SLC14A2: variants seen among roughly 807,000 people sequenced by gnomAD.
SLC14A2 encodes solute carrier family 14 member 2.
Under a neutral mutation model 104.6 loss-of-function variants are expected in SLC14A2, and 91 were observed. That is an observed-to-expected ratio of 0.87 (90% CI 0.73 to 1.04). SLC14A2 has a LOEUF of 1.04. Ranked by LOEUF, SLC14A2 falls within the 50% of genes least tolerant of loss-of-function variation. The pLI is 0.00. For synonymous variants in SLC14A2, 476 were observed against 466.4 expected (o/e 1.02, Z -0.27); for missense variants, 1,189 against 1,156.0 (o/e 1.03, Z -0.41).
chr18:45,465,361 T>C (rs1383994975), intron 1 of SLC14A2, among the ~76,000 whole-genome samples: 1 of 152,084 alleles, frequency 6.6e-6, no homozygotes, highest in African/African-American at 2.4e-5. Context: ...CTGTTGGCAG[T>C]TGTGGTAACA....
intron 2 of SLC14A2, among the ~76,000 whole-genome samples, chr18:45,569,366 C>G (rs751631482): frequency 4.6e-5 from 7 of 152,166 alleles, no homozygotes; most frequent in Non-Finnish European, 7.3e-5. Flanking sequence ...TGAACTAACC[C>G]CTTTACTCTA....
intron 5 of SLC14A2, among the ~76,000 whole-genome samples, chr18:45,632,806 T>A (rs1318889805): frequency 6.6e-6 from 1 of 152,202 alleles, no homozygotes; most frequent in Non-Finnish European, 1.5e-5. Context: ...GCCACACAAG[T>A]AGCTGGGACT....
intron 10 of SLC14A2, among the ~76,000 whole-genome samples, chr18:45,656,521 G>A (rs1482902466): frequency 2.0e-5 from 3 of 152,156 alleles, no homozygotes; most frequent in African/African-American, 7.2e-5. Flanking sequence ...AGCTAAGAAT[G>A]GATTGAAAGA....
intron 1 of SLC14A2, among the ~76,000 whole-genome samples, chr18:45,390,934 G>GT (rs1207922447): frequency 6.6e-5 from 10 of 152,078 alleles, no homozygotes; most frequent in Admixed American, 3.3e-4. Context: ...GATGTTTTAT[G>GT]TTTTTTTATT....
chr18:45,679,585 T>G (rs1294477530), intron 19 of SLC14A2, among the ~76,000 whole-genome samples: 1 of 152,222 alleles, frequency 6.6e-6, no homozygotes, highest in Non-Finnish European at 1.5e-5. Flanking sequence ...TGCAGAGGGC[T>G]CAGGGCTCCA....
chr18:45,573,132 T>C (rs1304074166), intron 2 of SLC14A2, among the ~76,000 whole-genome samples: 1 of 152,210 alleles, frequency 6.6e-6, no homozygotes, highest in African/African-American at 2.4e-5. Context: ...CTCAGTGTTC[T>C]TTCAACTAAT....
intron 2 of SLC14A2, among the ~76,000 whole-genome samples, chr18:45,570,252 C>T (rs1396990517): frequency 6.6e-6 from 1 of 152,144 alleles, no homozygotes; most frequent in African/African-American, 2.4e-5. Flanking sequence ...CCCTGGGCTA[C>T]CCTTTGGCTC....
intron 18 of SLC14A2, among the ~76,000 whole-genome samples, chr18:45,676,035 A>G (rs1031943272): frequency 5.3e-5 from 8 of 152,202 alleles, no homozygotes; most frequent in African/African-American, 1.7e-4. Context: ...CAGCATTTTT[A>G]CATGACCTGA....
intron 10 of SLC14A2, among the ~76,000 whole-genome samples, chr18:45,649,260 C>G (rs2045687148): frequency 6.6e-6 from 1 of 152,154 alleles, no homozygotes; most frequent in Non-Finnish European, 1.5e-5. Flanking sequence ...ACAAGATACC[C>G]CATTTCTCCA....
At chr18:45,543,649 T>C (rs1467338182) in intron 2 of SLC14A2, among the ~76,000 whole-genome samples, 1 of 152,182 alleles carries the variant, frequency 6.6e-6, no homozygotes, top group Non-Finnish European at 1.5e-5. Flanking sequence ...TTTTTCTCTC[T>C]ACCTTCCTAA....
chr18:45,596,337 C>T (rs139621259), intron 2 of SLC14A2, among the ~76,000 whole-genome samples: 5 of 152,198 alleles, frequency 3.3e-5, no homozygotes, highest in Non-Finnish European at 5.9e-5. Context: ...TGGAGGCATG[C>T]GCAGCTAGAA....
At chr18:45,211,444 C>A (rs891304934), upstream of SLC14A2, among the ~76,000 whole-genome samples, 1 of 152,182 alleles carries the variant, frequency 6.6e-6, no homozygotes, top group Non-Finnish European at 1.5e-5. Flanking sequence ...TCAAATTCCA[C>A]ATTGTTTCAG....
At chr18:45,640,439 T>G (rs2045505021) in intron 7 of SLC14A2, among the ~76,000 whole-genome samples, 1 of 152,134 alleles carries the variant, frequency 6.6e-6, no homozygotes, top group Non-Finnish European at 1.5e-5. Flanking sequence ...ACTCTGAAAT[T>G]TTTGGTAAGA....
intron 1 of SLC14A2, among the ~76,000 whole-genome samples, chr18:45,248,392 C>G (rs2084388283): frequency 6.6e-6 from 1 of 152,126 alleles, no homozygotes; most frequent in African/African-American, 2.4e-5. Flanking sequence ...TGCATGCAGA[C>G]AGTTCCTGAT....
At chr18:45,585,509 G>C (rs1043303603) in intron 2 of SLC14A2, among the ~76,000 whole-genome samples, 8 of 152,176 alleles carry the variant, frequency 5.3e-5, no homozygotes, top group Admixed American at 6.5e-5. Context: ...CACATTCCAA[G>C]ATTATGTTTC....
At chr18:45,490,335 A>T (rs916780016) in intron 2 of SLC14A2, among the ~76,000 whole-genome samples, 5 of 152,200 alleles carry the variant, frequency 3.3e-5, no homozygotes, top group African/African-American at 1.2e-4. Context: ...TGATGGGGTG[A>T]TTACAACTAA....
the SLC14A2 span, among the ~76,000 whole-genome samples, chr18:45,181,826 TTTA>T: frequency 6.6e-5 from 10 of 152,238 alleles, no homozygotes; most frequent in African/African-American, 2.4e-4. Flanking sequence ...TGTGCGACTC[TTTA>T]TTAAGTAGAT....
chr18:45,555,270 T>C (rs941821910), intron 2 of SLC14A2, among the ~76,000 whole-genome samples: 6 of 152,218 alleles, frequency 3.9e-5, no homozygotes, highest in Non-Finnish European at 5.9e-5. Context: ...ATGGTTTTAA[T>C]AAGAACATTC....
intron 2 of SLC14A2, among the ~76,000 whole-genome samples, chr18:45,555,400 T>C (rs1158351881): frequency 1.3e-5 from 2 of 152,230 alleles, no homozygotes; most frequent in African/African-American, 4.8e-5. Context: ...TGACTTAAGA[T>C]GGGATACATC....
Sources: allele counts gnomAD v4.1 joint callset (sites outside exome capture counted in the v4.1 genomes callset), GRCh38; gene constraint gnomAD v4.1.1; transcripts MANE v1.5; gene names NCBI Gene and HGNC (gene_info 2026-07-23, HGNC 2026-07-21).